AK9: variants seen among roughly 807,000 people sequenced by gnomAD.
The protein encoded by AK9 is adenylate kinase domain containing 1.
AK9 carries 191 observed loss-of-function variants against 239.6 expected under a neutral mutation model. The observed-to-expected ratio is 0.80, with a 90% confidence interval of 0.71 to 0.90. The LOEUF (loss-of-function observed/expected upper bound fraction) is 0.90. Ranked by LOEUF, AK9 falls within the 40% of genes least tolerant of loss-of-function variation. The pLI is 0.00. For missense variants in AK9, 1,995 were observed against 2,214.7 expected (o/e 0.90, Z 1.99); for synonymous variants, 689 against 721.0 (o/e 0.96, Z 0.71).
At chr6:109,665,486 T>C (rs1202913014) in intron 5 of AK9, among the ~76,000 whole-genome samples, 1 of 152,186 alleles carries the variant, frequency 6.6e-6, no homozygotes, top group Non-Finnish European at 1.5e-5. Context: ...TCTTTCTGCT[T>C]TTCTGGCTCC....
chr6:109,549,886 G>C (rs1010044502), intron 25 of AK9: 4 of 429,870 alleles, frequency 9.3e-6, no homozygotes, highest in Non-Finnish European at 1.6e-5. Context: ...GGATGGTCTC[G>C]ATCTCCTGAC....
chr6:109,495,238 C>T, intron 39 of AK9, 100 bp downstream of exon 39: 1 of 964,574 alleles, frequency 1.0e-6, no homozygotes, highest in Non-Finnish European at 1.5e-6. Context: ...TCAGAAAACT[C>T]TGCCTTGAAT....
chr6:109,539,864 T>C (rs1251894089), intron 27 of AK9, among the ~76,000 whole-genome samples: 1 of 152,118 alleles, frequency 6.6e-6, no homozygotes, highest in African/African-American at 2.4e-5. Context: ...TTGCTGGGGG[T>C]CCACTCTAGA....
At chr6:109,552,071 G>T (rs1784430871) in intron 24 of AK9, among the ~76,000 whole-genome samples, 1 of 152,040 alleles carries the variant, frequency 6.6e-6, no homozygotes, top group African/African-American at 2.4e-5. Flanking sequence ...TTTTATGGCT[G>T]CAGAGCATCC....
intron 19 of AK9, among the ~76,000 whole-genome samples, chr6:109,582,330 CCTT>C (rs1392247399): frequency 6.6e-6 from 1 of 152,114 alleles, no homozygotes; most frequent in Non-Finnish European, 1.5e-5. Flanking sequence ...AAATTGAAAA[CCTT>C]CTGGAAAGGA....
chr6:109,612,825 C>T (rs1192104441), intron 15 of AK9, among the ~76,000 whole-genome samples: 2 of 151,324 alleles, frequency 1.3e-5, no homozygotes, highest in Non-Finnish European at 2.9e-5. Flanking sequence ...ATGATAGATG[C>T]ACTTTAAAAC....
At position 109,511,673 on chromosome 6, in the gene AK9, C is replaced by T. The variant is rs553700899; in HGVS notation, c.4280-2293G>A. Among the ~76,000 whole-genome samples, 55 of 152,182 alleles carry T rather than the reference C, an allele frequency of 3.6e-4. 1 individual carries two copies. The highest frequency in any genetic ancestry group is 1.1e-3 in the African/African-American group (45 of 41,518). On this transcript the variant is annotated intron_variant, in intron 32 of 40. Transcript: ENST00000424296. ...CAGAACCCTACTCATCCCATAAGGA[C>T]GATGATTGACCAGGGACCACCATCA...
chr6:109,508,286 G>C (rs1379469511), intron 33 of AK9, among the ~76,000 whole-genome samples: 1 of 152,168 alleles, frequency 6.6e-6, no homozygotes, highest in Non-Finnish European at 1.5e-5. Context: ...AGTCACTTGA[G>C]TGACCCTCAG....
At chr6:109,510,971 T>C (rs1303491140) in intron 32 of AK9, among the ~76,000 whole-genome samples, 2 of 152,172 alleles carry the variant, frequency 1.3e-5, no homozygotes, top group Non-Finnish European at 2.9e-5. Context: ...ATTGCCCTAT[T>C]TTACAGAACT....
At position 109,648,854 on chromosome 6, in the gene AK9, C is replaced by T. The variant is rs1487460375; in HGVS notation, c.760-4166G>A. Among the ~76,000 whole-genome samples, 3 of 152,274 alleles carry T rather than the reference C, an allele frequency of 2.0e-5. No individual in the cohort carries two copies. In the East Asian group the frequency reaches 5.8e-4, roughly 29 times the overall value. ...GCAAAAATCCTCAATAAAATACTGGCAAACCGAATCCAGCAGCACATCAAA... is the reference window on the plus strand; with the variant it reads ...GCAAAAATCCTCAATAAAATACTGGTAAACCGAATCCAGCAGCACATCAAA... On this transcript the variant is annotated intron_variant, in intron 8 of 40. Transcript: ENST00000424296.
At chr6:109,550,060 G>A (rs1296887490) in intron 25 of AK9, 30 bp downstream of exon 25, 1 of 1,598,874 alleles carries the variant, frequency 6.3e-7, no homozygotes. Context: ...TCCTGTGGGA[G>A]CAATCATTAA....
At chr6:109,682,312 A>G (rs1193148386) in intron 1 of AK9, among the ~76,000 whole-genome samples, 3 of 151,194 alleles carry the variant, frequency 2.0e-5, no homozygotes, top group Admixed American at 1.3e-4. Flanking sequence ...CTGTAGTCCC[A>G]GCCACTTGGG....
chr6:109,674,030 T>A (rs1324980614), intron 3 of AK9, among the ~76,000 whole-genome samples, 168 bp downstream of exon 3: 1 of 151,726 alleles, frequency 6.6e-6, no homozygotes, highest in Non-Finnish European at 1.5e-5. Context: ...GCAGATAATA[T>A]TCACTGGGTT....
At position 109,497,888 on chromosome 6, in the gene AK9, T is replaced by C; in HGVS notation, c.5124A>G (p.Lys1708=). The C allele has an allele frequency of 1.9e-6, 3 of 1,614,020 alleles. No individual in the cohort carries two copies. The highest frequency in any genetic ancestry group is 2.5e-6 in the Non-Finnish European group (3 of 1,179,942). ...HPLPSADMIP[K]RLTLSELKSR... is the part of the protein sequence containing the mutation. ...TCTTCAGCTCTGACAGTGTCAGTCT[T>C]TTGGGGATCATGTCAGCAGATGGGA... The change falls in exon 37 of 41, where the codon AAA becomes AAG. Residue 1708 remains lysine (K), a synonymous_variant. Coordinates refer to ENST00000424296, the MANE Select transcript of AK9 (RefSeq NM_001145128.3).
At chr6:109,676,517 C>T (rs999728794) in intron 1 of AK9, among the ~76,000 whole-genome samples, 2 of 151,720 alleles carry the variant, frequency 1.3e-5, no homozygotes, top group Non-Finnish European at 2.9e-5. Context: ...TATATATATC[C>T]ATCGAATATT....
intron 20 of AK9, among the ~76,000 whole-genome samples, chr6:109,573,807 A>ATGAG (rs1185704314): frequency 2.0e-5 from 3 of 152,182 alleles, no homozygotes; most frequent in Non-Finnish European, 4.4e-5. Flanking sequence ...AGAGTTCTGT[A>ATGAG]TGAGTACCAG....
At chr6:109,595,968 T>C (rs1361787067) in intron 17 of AK9, among the ~76,000 whole-genome samples, 1 of 151,964 alleles carries the variant, frequency 6.6e-6, no homozygotes, top group Non-Finnish European at 1.5e-5. Flanking sequence ...ACCTGCACAT[T>C]CTGCACATAT....
Position 109,682,152 on chromosome 6 carries a change from A to G in AK9, c.-11-6396T>C, listed in dbSNP as rs955287878. Among the ~76,000 whole-genome samples the G allele has an allele frequency of 4.6e-5, 7 of 152,088 alleles. No individual in the cohort carries two copies. In the East Asian group the frequency reaches 5.8e-4, roughly 13 times the overall value. On this transcript the variant is annotated intron_variant, in intron 1 of 40. Coordinates refer to ENST00000424296, the MANE Select transcript of AK9 (RefSeq NM_001145128.3). ...CAAAAAATCAATGAATTGGCTGGGC[A>G]TGGTGGCTCATGCCTGTAATCCCAG...
rs1198458914 is a variant in AK9 at position 109,615,863 on chromosome 6, C to G, written c.1400-1383G>C. On this transcript the variant is annotated intron_variant, in intron 13 of 40. Transcript: ENST00000424296. ...TCTGACAAATAGAGAACATCTCCCC[C>G]GCTCAACTATAAACCAGTCACACCT... Among the ~76,000 whole-genome samples, 4 of 152,134 alleles carry G rather than the reference C, an allele frequency of 2.6e-5. No homozygotes were observed. In the East Asian group the frequency reaches 5.8e-4, roughly 22 times the overall value.
Sources: gnomAD v4.1 joint callset for allele counts (sites outside exome capture counted in the v4.1 genomes callset) on GRCh38, gnomAD v4.1.1 for gene constraint, MANE v1.5 for transcripts, NCBI Gene and HGNC (gene_info 2026-07-23, HGNC 2026-07-21) for gene names.